CUX1: variants seen among roughly 807,000 people sequenced by gnomAD.
CUX1 encodes the protein protein CASP.
A neutral mutation model predicts 158.8 loss-of-function variants in CUX1; 31 were observed. The ratio of observed to expected loss-of-function variants is 0.20; its 90% CI spans 0.15 to 0.26. The LOEUF (loss-of-function observed/expected upper bound fraction) is 0.26, where lower values mean the gene tolerates loss of function less well. Among genes scored for constraint, CUX1 ranks in the 10% least tolerant of loss-of-function variants. The pLI is 1.00. For missense variants in CUX1, 1,589 were observed against 2,014.6 expected (o/e 0.79, Z 4.04); for synonymous variants, 879 against 862.1 (o/e 1.02, Z -0.34).
chr7:102,203,163 C>T (rs148136161), intron 18 of CUX1, among the ~76,000 whole-genome samples: 2,303 of 152,218 alleles, frequency 0.015, 45 homozygotes, highest in African/African-American at 0.051. Context: ...GTCAGGGTTT[C>T]ACCATGTTGG....
chr7:101,844,818 G>A (rs57093449), intron 1 of CUX1, among the ~76,000 whole-genome samples: 20,292 of 151,830 alleles, frequency 0.13, 1,553 homozygotes, highest in Middle Eastern at 0.34. Context: ...GTTTCACCAC[G>A]TTGGCCAGGC....
intron 23 of CUX1, among the ~76,000 whole-genome samples, chr7:102,245,482 C>T (rs1800709070): frequency 2.0e-5 from 3 of 152,208 alleles, no homozygotes; most frequent in Admixed American, 2.0e-4. Context: ...AGCCCCATGC[C>T]TAACGGTGTC....
chr7:102,093,226 TAAAAAAAAAA>T (rs10570840), intron 4 of CUX1, among the ~76,000 whole-genome samples: 87,136 of 139,682 alleles, frequency 0.62, 28,360 homozygotes, highest in African/African-American at 0.79. Flanking sequence ...CCTATCTCTT[TAAAAAAAAAA>T]AAAAAAAAAG....
intron 12 of CUX1, among the ~76,000 whole-genome samples, chr7:102,190,748 T>TA (rs1794186940): frequency 1.3e-5 from 2 of 152,240 alleles, no homozygotes; most frequent in African/African-American, 4.8e-5. Flanking sequence ...TTGTCACTGT[T>TA]ACCCCAACCA....
intron 11 of CUX1, 54 bp downstream of exon 11, chr7:102,178,711 GAC>G (rs1792679350): frequency 2.0e-6 from 3 of 1,530,690 alleles, no homozygotes; most frequent in Non-Finnish European, 8.8e-7. Flanking sequence ...CGGATGGCTG[GAC>G]ACACGCGCAC....
At chr7:102,129,383 C>T (rs1349695912) in intron 8 of CUX1, among the ~76,000 whole-genome samples, 1 of 108,226 alleles carries the variant, frequency 9.2e-6, no homozygotes, top group Non-Finnish European at 2.1e-5. Context: ...AGATGGGTCT[C>T]TAAAAAATCA....
intron 9 of CUX1, among the ~76,000 whole-genome samples, chr7:102,168,665 A>AC (rs1267128359): frequency 1.3e-5 from 2 of 150,584 alleles, no homozygotes; most frequent in Non-Finnish European, 3.0e-5. Context: ...AAAAAAAAAA[A>AC]TCCTAATTTG....
chr7:101,923,187 G>A (rs1805168761), intron 2 of CUX1, among the ~76,000 whole-genome samples: 2 of 152,136 alleles, frequency 1.3e-5, no homozygotes, highest in Non-Finnish European at 2.9e-5. Context: ...ACCCAGCGTG[G>A]GGTCCTCCCT....
intron 2 of CUX1, among the ~76,000 whole-genome samples, chr7:102,009,750 AG>A (rs1403736392): frequency 6.6e-6 from 1 of 152,270 alleles, no homozygotes; most frequent in Non-Finnish European, 1.5e-5. Context: ...AGGTTGGCCA[AG>A]GGCCTTGGAC....
In CUX1 at chr7:102,028,001, CA is replaced by C. The variant is rs751229655; in HGVS notation, c.142-96del. 805 of 1,276,598 alleles carry C rather than the reference CA, an allele frequency of 6.3e-4. 3 individuals are homozygous for C. Among genetic ancestry groups the C allele is most frequent in the Non-Finnish European group, 7.4e-4 (655 of 889,648 alleles). 79.1% of individuals were successfully genotyped at this position (1,276,598 alleles called of 1,614,324 possible). A position where few individuals can be genotyped will look rare whatever the true frequency, so the allele number is the denominator to read the frequency against. The stretch of plus-strand genomic sequence containing the variant: ...GCTTGCTTTAGATAGTGATAATTAG[CA>C]CTGACTGCCACGCTGTTTTTAGGAG... On this transcript the variant is annotated intron_variant, in intron 2 of 23. Coordinates refer to ENST00000292535, the MANE Select transcript of CUX1 (RefSeq NM_181552.4).
intron 1 of CUX1, among the ~76,000 whole-genome samples, chr7:101,820,429 T>G (rs1792335882): frequency 6.6e-6 from 1 of 152,242 alleles, no homozygotes; most frequent in African/African-American, 2.4e-5. Flanking sequence ...TCTGACGAAT[T>G]GTAACACAAA....
chr7:102,265,233 G>A (rs191212379), intron 14 of CUX1, among the ~76,000 whole-genome samples: 32 of 152,034 alleles, frequency 2.1e-4, no homozygotes, highest in Non-Finnish European at 3.8e-4. Flanking sequence ...GCGGGCGCCT[G>A]TAATCCCAGC....
intron 20 of CUX1, among the ~76,000 whole-genome samples, chr7:102,216,584 C>CA (rs1797120005): frequency 1.8e-5 from 1 of 55,496 alleles, no homozygotes. Context: ...ACACACTCTC[C>CA]CACACACACA....
rs1475079934 is a variant in CUX1, at chr7:102,144,679, A to AAAG, written c.675-13879_675-13878insGAA. Among the ~76,000 whole-genome samples the AAAG allele has an allele frequency of 3.9e-4, 59 of 151,524 alleles. No homozygotes were observed. The South Asian group carries it at 4.8e-3, about 12-fold the overall frequency. On this transcript the variant is annotated intron_variant, in intron 8 of 23. Transcript: ENST00000292535. ...AAGCAAGACCCTGTCTCAAAAAAAAAAAAAAACAGTAAAAATAATAATCAT... is the reference window on the plus strand; with the variant it reads ...AAGCAAGACCCTGTCTCAAAAAAAAAAAGAAAAAACAGTAAAAATAATAATCAT...
intron 1 of CUX1, among the ~76,000 whole-genome samples, chr7:101,870,426 C>A (rs867273806): frequency 6.6e-6 from 1 of 152,054 alleles, no homozygotes. Context: ...CCCGCCTTGG[C>A]CTCTTAAGTA....
At chr7:101,949,274 G>A (rs1268820782) in intron 2 of CUX1, among the ~76,000 whole-genome samples, 1 of 151,920 alleles carries the variant, frequency 6.6e-6, no homozygotes, top group Non-Finnish European at 1.5e-5. Flanking sequence ...TGGGACTACA[G>A]GCGCCCGCCA....
At chr7:102,236,385 G>A (rs1411588593) in intron 22 of CUX1, among the ~76,000 whole-genome samples, 2 of 152,236 alleles carry the variant, frequency 1.3e-5, no homozygotes, top group African/African-American at 4.8e-5. Flanking sequence ...AGCGCTGTAA[G>A]CTGCAGAGGC....
chr7:102,251,767 C>T lies in CUX1; in HGVS notation c.*2725C>T, dbSNP rs1437671603. On this transcript the variant is annotated 3_prime_UTR_variant, in exon 24 of 24. Coordinates refer to ENST00000292535, the MANE Select transcript of CUX1 (RefSeq NM_181552.4). ...TCATGTGTGATGAATCTTTAAATAT[C>T]GTCTAATTTTCATAAGAATGAAAAG... 2.4e-5 allele frequency: 24 copies of T among 985,106 alleles called. No individual in the cohort carries two copies. Among genetic ancestry groups the T allele is most frequent in the Non-Finnish European group, 2.8e-5 (23 of 829,856 alleles). 61.0% of individuals were successfully genotyped at this position (985,106 alleles called of 1,614,324 possible). A position where few individuals can be genotyped will look rare whatever the true frequency, so the allele number is the denominator to read the frequency against.
intron 1 of CUX1, among the ~76,000 whole-genome samples, chr7:101,907,769 G>C (rs1562991916): frequency 6.6e-6 from 1 of 152,142 alleles, no homozygotes; most frequent in Non-Finnish European, 1.5e-5. Flanking sequence ...CTAAGACCTT[G>C]TCAGCCCTTC....
Sources: gnomAD v4.1 joint callset for allele counts (sites outside exome capture counted in the v4.1 genomes callset) on GRCh38, gnomAD v4.1.1 for gene constraint, MANE v1.5 for transcripts, NCBI Gene and HGNC (gene_info 2026-07-23, HGNC 2026-07-21) for gene names.